Variants in KLHL20 observed in about 807,000 individuals in gnomAD.
The protein encoded by KLHL20 is kelch-like protein 20.
KLHL20 carries 29 observed loss-of-function variants against 69.5 expected under a neutral mutation model. The observed-to-expected ratio is 0.42, with a 90% CI of 0.31 to 0.57. The LOEUF is 0.57. Ranked by LOEUF, KLHL20 falls within the 20% of genes least tolerant of loss-of-function variation. The probability of loss-of-function intolerance (pLI) is 0.18; values close to 1 mark genes in which losing one functional copy is unlikely to be tolerated. For missense variants in KLHL20, 419 were observed against 776.0 expected (o/e 0.54, Z 5.47); for synonymous variants, 253 against 265.2 (o/e 0.95, Z 0.45).
intron 8 of KLHL20, among the ~76,000 whole-genome samples, chr1:173,770,042 A>C (rs1446291211): frequency 1.3e-5 from 2 of 152,154 alleles, no homozygotes; most frequent in Non-Finnish European, 2.9e-5. Context: ...AGGAAAACTC[A>C]TTTCATGTAA....
At chr1:173,749,809 A>G (rs1045684714) in intron 3 of KLHL20, among the ~76,000 whole-genome samples, 3 of 152,228 alleles carry the variant, frequency 2.0e-5, no homozygotes, top group African/African-American at 4.8e-5. Context: ...ACACAATACC[A>G]TACTTAAGTG....
chr1:173,764,583 G>A (rs1230814343), intron 7 of KLHL20, among the ~76,000 whole-genome samples: 1 of 152,174 alleles, frequency 6.6e-6, no homozygotes, highest in African/African-American at 2.4e-5. Context: ...CAGTGACCTG[G>A]ATGAGATTAG....
intron 11 of KLHL20, among the ~76,000 whole-genome samples, chr1:173,784,600 A>G (rs1189913444): frequency 6.6e-6 from 1 of 152,228 alleles, no homozygotes; most frequent in East Asian, 1.9e-4. Flanking sequence ...CTCATAGCTG[A>G]TAAGGGTCTA....
chr1:173,765,419 C>T (rs906803799), intron 7 of KLHL20, among the ~76,000 whole-genome samples: 1 of 151,946 alleles, frequency 6.6e-6, no homozygotes, highest in South Asian at 2.1e-4. Flanking sequence ...AGGAGAATGG[C>T]GTGAACCCGG....
At chr1:173,754,362 G>A (rs1290683814) in intron 5 of KLHL20, among the ~76,000 whole-genome samples, 2 of 152,088 alleles carry the variant, frequency 1.3e-5, no homozygotes, top group East Asian at 3.9e-4. Context: ...CGAGGTGGGT[G>A]TATCACCTGA....
intron 2 of KLHL20, among the ~76,000 whole-genome samples, chr1:173,723,216 C>T (rs1420970942): frequency 2.0e-5 from 3 of 152,212 alleles, no homozygotes; most frequent in East Asian, 3.9e-4. Context: ...CTTGATTGTA[C>T]CACTGTTAAT....
intron 10 of KLHL20, among the ~76,000 whole-genome samples, chr1:173,779,981 A>C (rs751825235): frequency 1.4e-4 from 22 of 152,182 alleles, no homozygotes; most frequent in Admixed American, 9.2e-4. Flanking sequence ...GCTGAGAGCA[A>C]AATATAACCC....
At chr1:173,741,244 C>T (rs1235460489) in intron 3 of KLHL20, among the ~76,000 whole-genome samples, 1 of 152,126 alleles carries the variant, frequency 6.6e-6, no homozygotes, top group Non-Finnish European at 1.5e-5. Flanking sequence ...TGTGGTGGTT[C>T]TTGGAGTAAA....
chr1:173,775,339 G>A (rs1648385059), intron 9 of KLHL20, among the ~76,000 whole-genome samples: 1 of 152,114 alleles, frequency 6.6e-6, no homozygotes, highest in Admixed American at 6.5e-5. Context: ...CCCATTTAAC[G>A]ATAAGGAGAG....
intron 7 of KLHL20, among the ~76,000 whole-genome samples, chr1:173,763,841 A>G (rs1293832252): frequency 6.7e-6 from 1 of 150,010 alleles, no homozygotes; most frequent in Non-Finnish European, 1.5e-5. Context: ...GGATTTCATG[A>G]CCAAGAACCC....
intron 6 of KLHL20, 21 bp from the exon 7 acceptor site, chr1:173,756,955 C>A: frequency 6.2e-7 from 1 of 1,609,368 alleles, no homozygotes; most frequent in African/African-American, 1.3e-5. Flanking sequence ...ATTCTCTTGA[C>A]CATTTCTGTT....
intron 6 of KLHL20, among the ~76,000 whole-genome samples, chr1:173,756,256 T>C (rs1269106482): frequency 7.7e-6 from 1 of 130,704 alleles, no homozygotes; most frequent in Admixed American, 7.1e-5. Context: ...TCTATTTTTA[T>C]ATAAATCCAA....
chr1:173,771,192 T>G (rs1648068961), intron 8 of KLHL20, among the ~76,000 whole-genome samples: 1 of 152,226 alleles, frequency 6.6e-6, no homozygotes, highest in Non-Finnish European at 1.5e-5. Context: ...TAGGGAATCT[T>G]GTTCCCTTGA....
intron 4 of KLHL20, 87 bp downstream of exon 4, chr1:173,752,009 A>C (rs1673337938): frequency 8.0e-7 from 1 of 1,250,280 alleles, no homozygotes; most frequent in South Asian, 1.3e-5. Flanking sequence ...AGGCCAAGGC[A>C]GGTGGATCAC....
intron 2 of KLHL20, among the ~76,000 whole-genome samples, chr1:173,728,585 AAACTC>A (rs1672095325): frequency 6.6e-6 from 1 of 152,238 alleles, no homozygotes. Context: ...CAGGATTAAG[AAACTC>A]AACTCAAAAC....
At chr1:173,733,116 T>C (rs1038647522) in intron 2 of KLHL20, among the ~76,000 whole-genome samples, 1 of 148,186 alleles carries the variant, frequency 6.7e-6, no homozygotes, top group Non-Finnish European at 1.5e-5. Flanking sequence ...GCCTCCAGGG[T>C]TCAAGTGATT....
At position 173,734,107 on chromosome 1, in the gene KLHL20, A is replaced by T; in HGVS notation, c.418A>T (p.Thr140Ser). ...QITVEEGNVQ[T>S]LLPAACLLQL... is the part of the protein sequence containing the mutation. ...AACAGTAGAAGAGGGCAATGTTCAG[A>T]CTCTTCTGCCAGCTGCTTGCCTCCT... The change falls in exon 3 of 12, where the codon ACT becomes TCT. Residue 140 changes from threonine (T) to serine (S), a missense_variant. Around this residue, in one of 6 missense-constraint regions of KLHL20, gnomAD observed 129 missense variants for 183.6 expected, o/e 0.70. Coordinates refer to ENST00000209884, the MANE Select transcript of KLHL20 (RefSeq NM_014458.4). 6.2e-7 allele frequency: 1 copy of T among 1,614,036 alleles called. No individual in the cohort carries two copies. Among genetic ancestry groups the T allele is most frequent in the Non-Finnish European group, 8.5e-7 (1 of 1,180,006 alleles).
intron 11 of KLHL20, 57 bp from the exon 12 acceptor site, chr1:173,785,106 T>C: frequency 7.4e-7 from 1 of 1,347,552 alleles, no homozygotes; most frequent in South Asian, 1.2e-5. Context: ...GTTAATAACA[T>C]CTTAGTTGTA....
chr1:173,730,292 G>T (rs1002456561), intron 2 of KLHL20, among the ~76,000 whole-genome samples: 25 of 152,004 alleles, frequency 1.6e-4, no homozygotes, highest in African/African-American at 5.1e-4. Flanking sequence ...TGGCCATACT[G>T]CCCAAGGTAA....
Sources: allele counts gnomAD v4.1 joint callset (sites outside exome capture counted in the v4.1 genomes callset), GRCh38; gene constraint gnomAD v4.1.1; regional missense constraint gnomAD v4.1.1; transcripts MANE v1.5; gene names NCBI Gene and HGNC (gene_info 2026-07-23, HGNC 2026-07-21).